Variants in MAF observed in about 807,000 individuals in gnomAD.
The protein encoded by MAF is MAF bZIP transcription factor, also known as transcription factor Maf.
MAF carries 10 observed loss-of-function variants against 22.0 expected under a neutral mutation model. The ratio of observed to expected loss-of-function variants is 0.45; its 90% CI spans 0.28 to 0.77. The LOEUF is 0.77. MAF is among the 30% of genes least tolerant of loss of function. The pLI is 0.12. For missense variants in MAF, 544 were observed against 548.4 expected (o/e 0.99, Z 0.08); for synonymous variants, 337 against 255.8 (o/e 1.32, Z -3.03).
the MAF span, among the ~76,000 whole-genome samples, chr16:79,262,265 C>A: frequency 2.0e-5 from 3 of 152,154 alleles, no homozygotes; most frequent in African/African-American, 7.2e-5. Context: ...GGTATCGTCA[C>A]TGGAAGTCGA....
the MAF span, among the ~76,000 whole-genome samples, chr16:79,403,716 G>A: frequency 6.6e-6 from 1 of 152,216 alleles, no homozygotes; most frequent in Non-Finnish European, 1.5e-5. Flanking sequence ...TATGAAACTT[G>A]AGGGCAGGGA....
chr16:79,229,330 T>C, the MAF span: 2 of 151,516 alleles, frequency 1.3e-5, no homozygotes, highest in Non-Finnish European at 2.9e-5. Context: ...GATGGCCTTG[T>C]GGGCGCGAGG....
the MAF span, among the ~76,000 whole-genome samples, chr16:79,213,499 C>T: frequency 1.3e-5 from 2 of 152,250 alleles, no homozygotes; most frequent in Admixed American, 6.5e-5. Flanking sequence ...GAGGGGATCA[C>T]CCCTCCCATA....
intron 1 of MAF, chr16:79,598,134 G>A: frequency 1.9e-6 from 2 of 1,044,346 alleles, no homozygotes; most frequent in Admixed American, 5.6e-5. Flanking sequence ...AATCTCACAT[G>A]AAGAACTCAG....
the MAF span, among the ~76,000 whole-genome samples, chr16:79,523,292 C>G: frequency 6.6e-6 from 1 of 152,174 alleles, no homozygotes. Context: ...AACTAATTCT[C>G]TAGGGTGAAC....
At chr16:79,222,161 G>A in the MAF span, among the ~76,000 whole-genome samples, 2 of 152,130 alleles carry the variant, frequency 1.3e-5, no homozygotes, top group African/African-American at 4.8e-5. Flanking sequence ...CTACAAGCCA[G>A]AAGAGAAAGG....
the MAF span, among the ~76,000 whole-genome samples, chr16:79,522,081 G>A: frequency 2.0e-5 from 3 of 152,176 alleles, no homozygotes; most frequent in Non-Finnish European, 4.4e-5. Flanking sequence ...TCTGAGGTGT[G>A]TAGGGGGATA....
chr16:79,386,996 T>G, the MAF span, among the ~76,000 whole-genome samples: 1 of 152,198 alleles, frequency 6.6e-6, no homozygotes, highest in African/African-American at 2.4e-5. Context: ...GCTTAACAAT[T>G]TAACTATACC....
At chr16:79,272,334 G>A in the MAF span, among the ~76,000 whole-genome samples, 2 of 152,232 alleles carry the variant, frequency 1.3e-5, no homozygotes, top group Non-Finnish European at 2.9e-5. Flanking sequence ...CATGAAAAGT[G>A]CAGAGACCTA....
the MAF span, among the ~76,000 whole-genome samples, chr16:79,578,991 C>T: frequency 6.6e-6 from 1 of 152,154 alleles, no homozygotes; most frequent in Non-Finnish European, 1.5e-5. Flanking sequence ...CAGGAAAAGA[C>T]ATGGCTTTAT....
the MAF span, among the ~76,000 whole-genome samples, chr16:79,319,818 C>G: frequency 6.6e-6 from 1 of 152,152 alleles, no homozygotes; most frequent in Non-Finnish European, 1.5e-5. Context: ...ACAATGACCA[C>G]ATAGAGAAAT....
At chr16:79,457,771 G>C in the MAF span, among the ~76,000 whole-genome samples, 1 of 152,108 alleles carries the variant, frequency 6.6e-6, no homozygotes, top group African/African-American at 2.4e-5. Context: ...GCACCCCAGA[G>C]TGATCAAGGC....
At chr16:79,214,179 A>G in the MAF span, among the ~76,000 whole-genome samples, 2 of 151,788 alleles carry the variant, frequency 1.3e-5, no homozygotes, top group African/African-American at 4.8e-5. Context: ...TTTCTCCACA[A>G]CACTTAATAT....
chr16:79,232,986 G>T, the MAF span, among the ~76,000 whole-genome samples: 1 of 151,632 alleles, frequency 6.6e-6, no homozygotes, highest in East Asian at 2.0e-4. Context: ...GACTACGGGC[G>T]CCCGCCTCCA....
chr16:79,406,111 T>G, the MAF span, among the ~76,000 whole-genome samples: 11 of 152,138 alleles, frequency 7.2e-5, no homozygotes, highest in African/African-American at 2.2e-4. Flanking sequence ...AGGTCCCCAG[T>G]GAGATTACTT....
the MAF span, among the ~76,000 whole-genome samples, chr16:79,221,909 T>G: frequency 6.6e-6 from 1 of 152,228 alleles, no homozygotes. Context: ...TGCTTTGTTT[T>G]TGTCTTTGAT....
At chr16:79,287,620 G>A in the MAF span, among the ~76,000 whole-genome samples, 28,583 of 152,210 alleles carry the variant, frequency 0.19, 3,192 homozygotes, top group East Asian at 0.54. Flanking sequence ...ATCCCTTAGC[G>A]TCAGGAATCA....
chr16:79,262,101 G>A, the MAF span, among the ~76,000 whole-genome samples: 1 of 152,148 alleles, frequency 6.6e-6, no homozygotes, highest in Non-Finnish European at 1.5e-5. Context: ...AATATTTGGA[G>A]AGTCCCTTCC....
At chr16:79,239,024 C>T in the MAF span, among the ~76,000 whole-genome samples, 1 of 151,970 alleles carries the variant, frequency 6.6e-6, no homozygotes, top group Non-Finnish European at 1.5e-5. Flanking sequence ...CTGGGGAGGT[C>T]TAAACACCTC....
Sources: gnomAD v4.1 joint callset for allele counts (sites outside exome capture counted in the v4.1 genomes callset) on GRCh38, gnomAD v4.1.1 for gene constraint, MANE v1.5 for transcripts, NCBI Gene and HGNC (gene_info 2026-07-23, HGNC 2026-07-21) for gene names.